LCA5L: variants seen among roughly 807,000 people sequenced by gnomAD.
The protein encoded by LCA5L is lebercilin-like protein.
In LCA5L, 35 loss-of-function variants were observed where a neutral mutation model predicts 45.4. The observed-to-expected ratio is 0.77, with a 90% CI of 0.59 to 1.02. The LOEUF is 1.02. Ranked by LOEUF, LCA5L falls within the 50% of genes least tolerant of loss-of-function variation. The pLI is 0.00. For missense variants in LCA5L, 668 were observed against 761.6 expected, an observed-to-expected ratio of 0.88 and a Z score of 1.45; for synonymous variants, 233 against 264.7, an observed-to-expected ratio of 0.88 and a Z score of 1.16.
chr21:39,420,053 A>G (rs1165123842), intron 7 of LCA5L, among the ~76,000 whole-genome samples: 2 of 152,208 alleles, frequency 1.3e-5, no homozygotes, highest in Non-Finnish European at 2.9e-5. Flanking sequence ...CAAACGCTGT[A>G]TTACTTAACG....
At position 39,440,716 on chromosome 21, in the gene LCA5L, T is replaced by G. The variant is rs577210082; in HGVS notation, c.-246+3419A>C. Among the ~76,000 whole-genome samples the G allele has an allele frequency of 3.9e-5, 6 of 152,270 alleles. No individual in the cohort carries two copies. The South Asian group carries it at 1.2e-3, about 32-fold the overall frequency. The stretch of plus-strand genomic sequence containing the variant: ...GACATTCACTAGTGTCCATGGGCAC[T>G]TGAGAAGATCACAGCACCACTTCTG... On this transcript the variant is annotated intron_variant, in intron 2 of 10. Transcript: ENST00000288350.
rs897685259 is a variant in LCA5L at position 39,405,925 on chromosome 21, T to G, written c.1970A>C (p.Lys657Thr). The change falls in exon 11 of 11, where the codon AAG becomes ACG. Residue 657 changes from lysine (K) to threonine (T), a missense_variant. By Grantham distance (78) the Lys-to-Thr change is moderately conservative. Transcript: ENST00000288350. ...DSKVTVVNSI[K>T]PSSPTEGKRK... Reference sequence around the variant, plus strand: ...TTTTCCTTCTGTAGGTGACGATGGCTTAATAGAATTTACCACAGTTACTTT... The same window carrying G: ...TTTTCCTTCTGTAGGTGACGATGGCGTAATAGAATTTACCACAGTTACTTT... 2 of 1,609,826 alleles carry G rather than the reference T, an allele frequency of 1.2e-6. No homozygotes were observed. The highest frequency in any genetic ancestry group is 1.7e-6 in the Non-Finnish European group (2 of 1,176,890).
intron 3 of LCA5L, among the ~76,000 whole-genome samples, chr21:39,430,339 C>T (rs1191933210): frequency 6.6e-6 from 1 of 152,216 alleles, no homozygotes; most frequent in Non-Finnish European, 1.5e-5. Context: ...CACTTTAGAA[C>T]ACTCCTTCAA....
rs370737183 is a variant in LCA5L, at chr21:39,406,443, T to C, written c.1452A>G (p.Gln484=). The change falls in exon 11 of 11, where the codon CAA becomes CAG. Residue 484 remains glutamine (Q), a synonymous_variant. Coordinates refer to ENST00000288350, the MANE Select transcript of LCA5L (RefSeq NM_152505.4). The part of the protein sequence containing the change: ...EVIHPERESN[Q]EDVLVREKFK... ...ACTTTTCTCTTACTAGAACATCTTC[T>C]TGATTGCTTTCTCTTTCAGGATGAA... 1.2e-6 allele frequency: 2 copies of C among 1,614,006 alleles called. No individual in the cohort carries two copies. Among genetic ancestry groups the C allele is most frequent in the Non-Finnish European group, 1.7e-6 (2 of 1,180,002 alleles).
chr21:39,433,117 T>A (rs190709769), intron 3 of LCA5L, among the ~76,000 whole-genome samples: 38 of 152,262 alleles, frequency 2.5e-4, no homozygotes, highest in African/African-American at 8.4e-4. Context: ...ATCAATTTGT[T>A]CTTTGAAGAA....
intron 7 of LCA5L, chr21:39,414,098 G>A (rs1327262786): frequency 3.9e-5 from 6 of 152,248 alleles, no homozygotes; most frequent in Admixed American, 1.3e-4. Flanking sequence ...AGTCAGTCAA[G>A]GGAAACAAGA....
At chr21:39,444,909 T>C (rs1264782748) in intron 1 of LCA5L, among the ~76,000 whole-genome samples, 1 of 151,916 alleles carries the variant, frequency 6.6e-6, no homozygotes, top group African/African-American at 2.4e-5. Context: ...TGAGATGCCG[T>C]AGACATCCAA....
chr21:39,442,972 G>A (rs2077021351), intron 2 of LCA5L, among the ~76,000 whole-genome samples: 1 of 152,178 alleles, frequency 6.6e-6, no homozygotes, highest in Non-Finnish European at 1.5e-5. Context: ...TGGGAGAGGA[G>A]GGTGAGCCAG....
chr21:39,416,996 G>C (rs2041299223), intron 7 of LCA5L, among the ~76,000 whole-genome samples: 1 of 152,052 alleles, frequency 6.6e-6, no homozygotes, highest in Admixed American at 6.6e-5. Context: ...ATACACATTT[G>C]GGTTCATCTG....
chr21:39,434,988 G>A (rs996653403), intron 3 of LCA5L, among the ~76,000 whole-genome samples: 1 of 152,182 alleles, frequency 6.6e-6, no homozygotes, highest in Non-Finnish European at 1.5e-5. Flanking sequence ...CAAATTTACA[G>A]TATAGTTCAG....
chr21:39,413,447 A>G (rs186468364), intron 7 of LCA5L, among the ~76,000 whole-genome samples: 3 of 152,358 alleles, frequency 2.0e-5, no homozygotes, highest in Admixed American at 6.5e-5. Flanking sequence ...CTCATAAGGA[A>G]GTATGGCTTA....
intron 7 of LCA5L, among the ~76,000 whole-genome samples, chr21:39,417,067 C>T (rs1333701657): frequency 6.6e-6 from 1 of 152,220 alleles, no homozygotes; most frequent in Non-Finnish European, 1.5e-5. Flanking sequence ...GAGTCTCGCT[C>T]TGTCACCCAG....
rs550772768 is a variant in LCA5L at position 39,406,216 on chromosome 21, C to T, written c.1679G>A (p.Ser560Asn). 1 of 1,614,244 alleles carries T rather than the reference C, an allele frequency of 6.2e-7. No individual in the cohort carries two copies. The highest frequency in any genetic ancestry group is 8.5e-7 in the Non-Finnish European group (1 of 1,180,050). Residue 560 changes from serine to asparagine, a missense_variant, in exon 11 of 11, where the codon AGT becomes AAT. By Grantham distance (46) the Ser-to-Asn change is conservative. Coordinates refer to ENST00000288350, the MANE Select transcript of LCA5L (RefSeq NM_152505.4). ...CTCTAGCTCCATTTCCTCTCTGTTA[C>T]TGAGATGCTTGCCTGTACTATGACT... ...RYSHSTGKHL[S>N]NREEMELEHS...
intron 5 of LCA5L, 46 bp downstream of exon 5, chr21:39,428,126 C>T (rs1569109533): frequency 4.5e-6 from 5 of 1,113,714 alleles, no homozygotes; most frequent in Non-Finnish European, 6.6e-6. Context: ...AAAATAACAT[C>T]ATTATGACAG....
At chr21:39,424,659 A>T (rs1314333194) in intron 5 of LCA5L, among the ~76,000 whole-genome samples, 4 of 152,212 alleles carry the variant, frequency 2.6e-5, no homozygotes, top group African/African-American at 4.8e-5. Flanking sequence ...ATTCAAAATG[A>T]CCCTCAAAAG....
chr21:39,440,084 T>C (rs1161400730), intron 2 of LCA5L, among the ~76,000 whole-genome samples: 1 of 152,178 alleles, frequency 6.6e-6, no homozygotes, highest in Non-Finnish European at 1.5e-5. Flanking sequence ...TACATATGTA[T>C]GTATATGTGT....
At chr21:39,444,698 AG>A (rs2077254182) in intron 1 of LCA5L, 1 of 152,130 alleles carries the variant, frequency 6.6e-6, no homozygotes, top group Admixed American at 6.6e-5. Context: ...GAGAAATGGT[AG>A]AATTGTGAAT....
rs1445271632 is a variant in LCA5L at position 39,405,764 on chromosome 21, A to G, written c.*118T>C. On this transcript the variant is annotated 3_prime_UTR_variant, in exon 11 of 11. Coordinates refer to ENST00000288350, the MANE Select transcript of LCA5L (RefSeq NM_152505.4). Reference sequence around the variant, plus strand: ...ACAAAAATTTAATTATCGAAAGTCAATTAAGTACTAAAACACACACATACA... The same window carrying G: ...ACAAAAATTTAATTATCGAAAGTCAGTTAAGTACTAAAACACACACATACA... 46 of 698,898 alleles carry G rather than the reference A, an allele frequency of 6.6e-5. No individual in the cohort carries two copies. The allele number at this position is 698,898 out of a possible 1,614,324, so 43.3% of individuals were successfully genotyped here. A position where few individuals can be genotyped will look rare whatever the true frequency, so the allele number is the denominator to read the frequency against.
intron 7 of LCA5L, among the ~76,000 whole-genome samples, chr21:39,412,420 A>G (rs2040247997): frequency 6.6e-6 from 1 of 152,250 alleles, no homozygotes; most frequent in Non-Finnish European, 1.5e-5. Context: ...TTGTTGAGGA[A>G]CAAAGAAAGG....
Sources: gnomAD v4.1 joint callset for allele counts (sites outside exome capture counted in the v4.1 genomes callset) on GRCh38, gnomAD v4.1.1 for gene constraint, MANE v1.5 for transcripts, NCBI Gene and HGNC (gene_info 2026-07-23, HGNC 2026-07-21) for gene names.